Variants in PTPRS observed in about 807,000 individuals in gnomAD.
PTPRS encodes receptor-type tyrosine-protein phosphatase S.
PTPRS carries 63 observed loss-of-function variants against 215.3 expected under a neutral mutation model. The ratio of observed to expected loss-of-function variants is 0.29; its 90% CI spans 0.24 to 0.36. The LOEUF is 0.36. Among genes scored for constraint, PTPRS ranks in the 10% least tolerant of loss-of-function variants. PTPRS has a pLI of 1.00. For missense variants in PTPRS, 2,258 were observed against 2,825.8 expected (o/e 0.80, Z 4.56); for synonymous variants, 1,404 against 1,191.4 (o/e 1.18, Z -3.68).
chr19:5,234,304 T>C (rs938333014), intron 13 of PTPRS, among the ~76,000 whole-genome samples: 3 of 152,206 alleles, frequency 2.0e-5, no homozygotes, highest in Non-Finnish European at 4.4e-5. Flanking sequence ...GAGCACCTAC[T>C]GTGTGCCAGA....
chr19:5,268,183 A>AATT (rs2046592212), intron 4 of PTPRS, among the ~76,000 whole-genome samples: 2 of 134,874 alleles, frequency 1.5e-5, no homozygotes, highest in South Asian at 2.6e-4. Context: ...ATAAATAAAT[A>AATT]AATAAATTAA....
At chr19:5,233,377 C>T (rs1449143425) in intron 13 of PTPRS, among the ~76,000 whole-genome samples, 1 of 151,328 alleles carries the variant, frequency 6.6e-6, no homozygotes, top group East Asian at 2.0e-4. Context: ...CTACTACGTG[C>T]CAGGTACCAT....
In PTPRS at chr19:5,214,500, A is replaced by G; in HGVS notation, c.4495-20T>C. The G allele has an allele frequency of 6.2e-7, 1 of 1,613,762 alleles. No homozygotes were observed. The highest frequency in any genetic ancestry group is 8.5e-7 in the Non-Finnish European group (1 of 1,179,780). On this transcript the variant is annotated intron_variant, in intron 29 of 37. Coordinates refer to ENST00000262963, the MANE Select transcript of PTPRS (RefSeq NM_002850.4). ...CTTGATCTGTATCGGGCAAGAGAAC[A>G]GGTGTCAGCAGGGACAGGCTGACTG...
At chr19:5,304,122 T>C (rs1455714233) in intron 1 of PTPRS, among the ~76,000 whole-genome samples, 2 of 151,940 alleles carry the variant, frequency 1.3e-5, no homozygotes, top group African/African-American at 4.8e-5. Flanking sequence ...GGCTGAGCAC[T>C]AAGGACACAA....
chr19:5,259,146 T>A (rs1346086461), intron 7 of PTPRS, among the ~76,000 whole-genome samples: 1 of 152,082 alleles, frequency 6.6e-6, no homozygotes, highest in South Asian at 2.1e-4. Context: ...TTGTTGGTCA[T>A]GAGTAAATAA....
At chr19:5,321,302 G>T (rs891511464) in intron 1 of PTPRS, among the ~76,000 whole-genome samples, 2 of 152,028 alleles carry the variant, frequency 1.3e-5, no homozygotes, top group Non-Finnish European at 2.9e-5. Context: ...AATAAATCAA[G>T]GTAACAGGGA....
chr19:5,223,248 C>T lies in PTPRS; in HGVS notation c.2544G>A (p.Leu848=), dbSNP rs751674390. 2 of 1,484,662 alleles carry T rather than the reference C, an allele frequency of 1.3e-6. No homozygotes were observed. Among genetic ancestry groups the T allele is most frequent in the Admixed American group, 4.5e-5 (2 of 44,148 alleles). 92.0% of individuals were successfully genotyped at this position (1,484,662 alleles called of 1,614,324 possible). A position where few individuals can be genotyped will look rare whatever the true frequency, so the allele number is the denominator to read the frequency against. The change falls in exon 18 of 38, where the codon CTG becomes CTA. Residue 848 remains leucine (L), a synonymous_variant. Coordinates refer to ENST00000262963, the MANE Select transcript of PTPRS (RefSeq NM_002850.4). ...CAGCCGGGGGCTCCCAGCGTGCCAGCAGGCTGCCCTCGGGGGTCTGCTGCA... is the reference window on the plus strand; with the variant it reads ...CAGCCGGGGGCTCCCAGCGTGCCAGTAGGCTGCCCTCGGGGGTCTGCTGCA... The part of the protein sequence containing the change: ...LSVQQTPEGS[L]LARWEPPAGT...
chr19:5,308,240 G>A (rs1178224201), intron 1 of PTPRS, among the ~76,000 whole-genome samples: 1 of 152,216 alleles, frequency 6.6e-6, no homozygotes, highest in Non-Finnish European at 1.5e-5. Flanking sequence ...TGCCACCCTG[G>A]ATAATACCAC....
rs74757134 is a variant in PTPRS, at chr19:5,257,356, G to A, written c.706+661C>T. 0.048 allele frequency: 21,484 copies of A among 449,804 alleles called. 696 individuals carry two copies. The highest frequency in any genetic ancestry group is 0.069 in the South Asian group (4,401 of 63,970). 27.9% of individuals were successfully genotyped at this position (449,804 alleles called of 1,614,324 possible). A position where few individuals can be genotyped will look rare whatever the true frequency, so the allele number is the denominator to read the frequency against. On this transcript the variant is annotated intron_variant, in intron 8 of 37. Transcript: ENST00000262963. The surrounding 1 kb of genome is among the most constrained non-coding windows in gnomAD (Gnocchi z 4.4). Reference sequence around the variant, plus strand: ...CTGGGTGCCGTGCCTGCCCCAGCTCGGTGCAACTACCGAGCCCCCCGGGTG... The same window carrying A: ...CTGGGTGCCGTGCCTGCCCCAGCTCAGTGCAACTACCGAGCCCCCCGGGTG...
Position 5,286,105 on chromosome 19 carries a change from C to G in PTPRS, c.36G>C (p.Val12=). Residue 12 remains valine, a synonymous_variant, in exon 2 of 38, where the codon GTG becomes GTC. Transcript: ENST00000262963. The part of the protein sequence containing the change: ...APTWGPGMVS[V]VGPMGLLVVL... ...CCACAAGGAGGCCCATGGGACCAAC[C>G]ACAGACACCATGCCAGGGCCCCAGG... The G allele has an allele frequency of 6.2e-7, 1 of 1,614,196 alleles. No individual in the cohort carries two copies. The highest frequency in any genetic ancestry group is 8.5e-7 in the Non-Finnish European group (1 of 1,180,030).
At chr19:5,289,823 A>C (rs1007739598) in intron 1 of PTPRS, among the ~76,000 whole-genome samples, 5 of 152,142 alleles carry the variant, frequency 3.3e-5, no homozygotes, top group African/African-American at 1.2e-4. Context: ...AGGGGGAGAG[A>C]TGAGGACAGA....
At chr19:5,260,884 GC>G in intron 6 of PTPRS, 62 bp from the exon 7 acceptor site, 1 of 1,587,836 alleles carries the variant, frequency 6.3e-7, no homozygotes, top group Non-Finnish European at 8.6e-7. Context: ...GGGCCGGGGG[GC>G]CCCAGGGAAG....
At chr19:5,219,517 G>C (rs754453512) in intron 22 of PTPRS, 50 bp from the exon 23 acceptor site, 10 of 1,504,178 alleles carry the variant, frequency 6.6e-6, no homozygotes, top group Non-Finnish European at 7.9e-6. Flanking sequence ...TCCTTGTAGT[G>C]GCCAGATGGG....
At chr19:5,320,833 AG>A (rs1430442012) in intron 1 of PTPRS, among the ~76,000 whole-genome samples, 2 of 152,142 alleles carry the variant, frequency 1.3e-5, no homozygotes, top group Non-Finnish European at 2.9e-5. Flanking sequence ...TGGATGGTTG[AG>A]GTTATCATTA....
chr19:5,219,008 C>T, intron 23 of PTPRS: 1 of 637,396 alleles, frequency 1.6e-6, no homozygotes, highest in Non-Finnish European at 2.7e-6. Flanking sequence ...TGGGATGTGC[C>T]CCATGGGGCC....
chr19:5,231,836 G>A (rs1460188081), intron 13 of PTPRS, among the ~76,000 whole-genome samples: 1 of 152,126 alleles, frequency 6.6e-6, no homozygotes, highest in Admixed American at 6.5e-5. Flanking sequence ...GGCTGGGAGG[G>A]CTGGCCAAGA....
intron 9 of PTPRS, among the ~76,000 whole-genome samples, chr19:5,251,904 C>T (rs1191840047): frequency 3.3e-5 from 5 of 152,124 alleles, no homozygotes; most frequent in African/African-American, 9.7e-5. Flanking sequence ...CACACCTCAA[C>T]GCGAGGCTTT....
intron 1 of PTPRS, among the ~76,000 whole-genome samples, chr19:5,328,954 T>C (rs893921614): frequency 1.3e-5 from 2 of 152,166 alleles, no homozygotes; most frequent in African/African-American, 2.4e-5. Context: ...TCAAGGTCAT[T>C]AGACGTGGCA....
At chr19:5,267,695 G>A (rs955206342) in intron 4 of PTPRS, among the ~76,000 whole-genome samples, 4 of 150,774 alleles carry the variant, frequency 2.7e-5, no homozygotes, top group South Asian at 2.1e-4. Context: ...GCCACGTAGG[G>A]CAGACTAATA....
Sources: gnomAD v4.1 joint callset for allele counts (sites outside exome capture counted in the v4.1 genomes callset) on GRCh38, gnomAD v4.1.1 for gene constraint, Gnocchi (gnomAD v3.1) non-coding constraint, MANE v1.5 for transcripts, NCBI Gene and HGNC (gene_info 2026-07-23, HGNC 2026-07-21) for gene names.